KDM7A: variants seen among roughly 807,000 people sequenced by gnomAD.
KDM7A encodes lysine demethylase 7A, also known as lysine-specific demethylase 7A.
KDM7A carries 28 observed loss-of-function variants against 114.8 expected under a neutral mutation model. The observed-to-expected ratio is 0.24, with a 90% CI of 0.18 to 0.33. The LOEUF (loss-of-function observed/expected upper bound fraction) is 0.33, where lower values mean the gene tolerates loss of function less well. Ranked by LOEUF, KDM7A falls within the 10% of genes least tolerant of loss-of-function variation. The probability of loss-of-function intolerance (pLI) is 1.00; values close to 1 mark genes in which losing one functional copy is unlikely to be tolerated. For synonymous variants in KDM7A, 423 were observed against 397.8 expected, an observed-to-expected ratio of 1.06 and a Z score of -0.75; for missense variants, 942 against 1,142.5, an observed-to-expected ratio of 0.82 and a Z score of 2.53.
At chr7:140,136,864 G>A (rs1045703050) in intron 2 of KDM7A, among the ~76,000 whole-genome samples, 6 of 152,184 alleles carry the variant, frequency 3.9e-5, no homozygotes, top group Non-Finnish European at 7.3e-5. Context: ...GCACACAACC[G>A]TAATCCCAGC....
intron 1 of KDM7A, among the ~76,000 whole-genome samples, chr7:140,157,782 G>A (rs1322211222): frequency 6.6e-6 from 1 of 151,484 alleles, no homozygotes. Flanking sequence ...TGGCCAACAC[G>A]GCGAAACTGT....
Position 140,170,488 on chromosome 7 carries a change from G to A in KDM7A, c.194+6256C>T, listed in dbSNP as rs1042468618. Among the ~76,000 whole-genome samples the A allele has an allele frequency of 4.6e-5, 7 of 152,158 alleles. No individual in the cohort carries two copies. The South Asian group carries it at 1.0e-3, about 23-fold the overall frequency. On this transcript the variant is annotated intron_variant, in intron 1 of 19. Transcript: ENST00000397560. ...CTACCCCCTTGACAGCATGAGCACC[G>A]GAGTCAGCCTGCCTGAGCTCAGATG...
chr7:140,125,727 T>C (rs983018832), intron 6 of KDM7A, among the ~76,000 whole-genome samples: 1 of 150,270 alleles, frequency 6.7e-6, no homozygotes, highest in Admixed American at 6.7e-5. Context: ...CCACCACACC[T>C]GGCTAATTTT....
rs1412463614 is a variant in KDM7A, at chr7:140,086,730, TC to T, written c.*4363del. On this transcript the variant is annotated 3_prime_UTR_variant, in exon 20 of 20. Transcript: ENST00000397560. ...TCAGAGGCCCCAGATCCACTGTGTC[TC>T]CCCACGCAAATCACTGTCCACTCTG... The T allele has an allele frequency of 6.6e-6, 1 of 152,084 alleles. No individual in the cohort carries two copies. The highest frequency in any genetic ancestry group is 6.6e-5 in the Admixed American group (1 of 15,264). 9.4% of individuals were successfully genotyped at this position (152,084 alleles called of 1,614,324 possible).
intron 11 of KDM7A, among the ~76,000 whole-genome samples, chr7:140,106,856 T>G (rs1007991676): frequency 6.6e-6 from 1 of 152,218 alleles, no homozygotes; most frequent in African/African-American, 2.4e-5. Context: ...ACTTTCTGTC[T>G]CGTTGATCTG....
chr7:140,175,178 C>G (rs773622737), intron 1 of KDM7A, among the ~76,000 whole-genome samples: 4 of 152,192 alleles, frequency 2.6e-5, no homozygotes, highest in South Asian at 2.1e-4. Context: ...GTCTTGTTTT[C>G]TGTTGTGAGA....
chr7:140,109,056 G>T (rs1053540573), intron 11 of KDM7A, among the ~76,000 whole-genome samples: 6 of 152,134 alleles, frequency 3.9e-5, no homozygotes, highest in African/African-American at 1.4e-4. Context: ...CCGTGGGTGT[G>T]GGACCCTCGG....
rs1466997964 is a variant in KDM7A, at chr7:140,176,557, G to A, written c.194+187C>T. Among the ~76,000 whole-genome samples, 4 of 146,620 alleles carry A rather than the reference G, an allele frequency of 2.7e-5. No homozygotes were observed. Among genetic ancestry groups the A allele is most frequent in the Non-Finnish European group, 6.1e-5 (4 of 65,868 alleles). On this transcript the variant is annotated intron_variant, in intron 1 of 19. Transcript: ENST00000397560. This position sits in a 1 kb window ranked among gnomAD's most constrained non-coding sequence, Gnocchi z 4.4. The stretch of plus-strand genomic sequence containing the variant: ...AGGCGAGCCCACCGGCTCCCCTCTG[G>A]AGCCCGCCCGGCGAACCCGGGGCAC...
chr7:140,157,145 A>G (rs973708481), intron 1 of KDM7A, among the ~76,000 whole-genome samples: 1 of 152,252 alleles, frequency 6.6e-6, no homozygotes, highest in Non-Finnish European at 1.5e-5. Context: ...GGAAATCCAC[A>G]ATTGAGCTGT....
chr7:140,106,960 C>A (rs1377034842), intron 11 of KDM7A, among the ~76,000 whole-genome samples: 1 of 151,678 alleles, frequency 6.6e-6, no homozygotes, highest in Non-Finnish European at 1.5e-5. Flanking sequence ...CTTTATGAAT[C>A]TGGGTGCATA....
At chr7:140,143,179 CAA>C (rs201653729) in intron 1 of KDM7A, among the ~76,000 whole-genome samples, 21 of 47,484 alleles carry the variant, frequency 4.4e-4, no homozygotes, top group Non-Finnish European at 5.8e-4. Flanking sequence ...GACCCCGTCT[CAA>C]AAAAAAAAAA....
At chr7:140,146,035 A>T (rs1794336919) in intron 1 of KDM7A, among the ~76,000 whole-genome samples, 1 of 152,090 alleles carries the variant, frequency 6.6e-6, no homozygotes. Context: ...CACCCCATAT[A>T]ATCTGTTTTA....
In KDM7A at chr7:140,089,246, C is replaced by A. The variant is rs1188107216; in HGVS notation, c.*1848G>T. On this transcript the variant is annotated 3_prime_UTR_variant, in exon 20 of 20. Coordinates refer to ENST00000397560, the MANE Select transcript of KDM7A (RefSeq NM_030647.2). ...GACACTAAGGATTTCCATAAAAATT[C>A]TTTTTCCTGATACCCAGATAAGATT... 1 of 152,140 alleles carries A rather than the reference C, an allele frequency of 6.6e-6. No individual in the cohort carries two copies. Among genetic ancestry groups the A allele is most frequent in the Non-Finnish European group, 1.5e-5 (1 of 68,006 alleles). 9.4% of individuals were successfully genotyped at this position (152,140 alleles called of 1,614,324 possible).
chr7:140,100,024 C>G lies in KDM7A; in HGVS notation c.1639-1G>C. 6.2e-7 allele frequency: 1 copy of G among 1,614,022 alleles called. No homozygotes were observed. Among genetic ancestry groups the G allele is most frequent in the Non-Finnish European group, 8.5e-7 (1 of 1,179,954 alleles). ...CATTCAGTTTAGAGCTCAAGATGTC[C>G]TGAAGGTATAAATGCAGAACTTACT... On this transcript the variant is annotated splice_acceptor_variant, in intron 12 of 19. Transcript: ENST00000397560. LOFTEE classifies it high-confidence loss of function.
At chr7:140,134,259 T>TG (rs1818834390) in intron 2 of KDM7A, among the ~76,000 whole-genome samples, 1 of 152,248 alleles carries the variant, frequency 6.6e-6, no homozygotes, top group Non-Finnish European at 1.5e-5. Flanking sequence ...TGGAAGGCTA[T>TG]GACCTTGAGT....
At chr7:140,099,686 CAT>C (rs982889811) in intron 13 of KDM7A, among the ~76,000 whole-genome samples, 5 of 152,160 alleles carry the variant, frequency 3.3e-5, no homozygotes, top group Non-Finnish European at 2.9e-5. Flanking sequence ...GTGAACTACA[CAT>C]GTCCAAGAGT....
At position 140,090,494 on chromosome 7, in the gene KDM7A, G is replaced by A. The variant is rs1419355743; in HGVS notation, c.*600C>T. On this transcript the variant is annotated 3_prime_UTR_variant, in exon 20 of 20. Coordinates refer to ENST00000397560, the MANE Select transcript of KDM7A (RefSeq NM_030647.2). ...ACACATGAAATATATAAAATAAAAT[G>A]ATTTTCATATACATCTTAATTTAAA... is the stretch of plus-strand genomic sequence containing the variant. 2.0e-5 allele frequency: 3 copies of A among 152,078 alleles called. No homozygotes were observed. The highest frequency in any genetic ancestry group is 7.2e-5 in the African/African-American group (3 of 41,392). 9.4% of individuals were successfully genotyped at this position (152,078 alleles called of 1,614,324 possible).
At chr7:140,110,133 A>C (rs1305231515) in intron 11 of KDM7A, among the ~76,000 whole-genome samples, 1 of 90,784 alleles carries the variant, frequency 1.1e-5, no homozygotes, top group Non-Finnish European at 2.1e-5. Flanking sequence ...GAGCTGACTG[A>C]CACTCCCATT....
At position 140,092,435 on chromosome 7, in the gene KDM7A, T is replaced by G. The variant is rs569249583; in HGVS notation, c.2458-358A>C. On this transcript the variant is annotated intron_variant, in intron 18 of 19. Coordinates refer to ENST00000397560, the MANE Select transcript of KDM7A (RefSeq NM_030647.2). ...ACTTCCCTGGCAAGTCACAGCTCCC[T>G]TGGACCTCTCATGTGTCATGTTCTT... 7.2e-5 allele frequency among the ~76,000 whole-genome samples: 11 copies of G among 152,308 alleles called. No homozygotes were observed. The South Asian group carries it at 2.3e-3, about 32-fold the overall frequency.
Sources: allele counts gnomAD v4.1 joint callset (sites outside exome capture counted in the v4.1 genomes callset), GRCh38; gene constraint gnomAD v4.1.1; non-coding constraint Gnocchi (gnomAD v3.1); transcripts MANE v1.5; gene names NCBI Gene and HGNC (gene_info 2026-07-23, HGNC 2026-07-21).